The following FGF14 variants were observed in gnomAD, a reference collection of about 807,000 sequenced individuals.
The protein encoded by FGF14 is fibroblast growth factor homologous factor 4.
Under a neutral mutation model 25.5 loss-of-function variants are expected in FGF14, and 5 were observed. The ratio of observed to expected loss-of-function variants is 0.20; its 90% confidence interval spans 0.10 to 0.41. The LOEUF (loss-of-function observed/expected upper bound fraction) is 0.41, where lower values mean the gene tolerates loss of function less well. Ranked by LOEUF, FGF14 falls within the 10% of genes least tolerant of loss-of-function variation. The pLI, the probability that FGF14 is intolerant of heterozygous loss-of-function variation, is 1.00. For missense variants in FGF14, 222 were observed against 320.1 expected (o/e 0.69, Z 2.34); for synonymous variants, 138 against 118.3 (o/e 1.17, Z -1.08).
chr13:101,788,267 G>A (rs1358367831), intron 3 of FGF14, among the ~76,000 whole-genome samples: 2 of 152,120 alleles, frequency 1.3e-5, no homozygotes, highest in African/African-American at 4.8e-5. Context: ...GTGACCCAGT[G>A]ATATGGGATA....
intron 1 of FGF14, chr13:102,003,458 GGCAGTGTAAGACATGAGCT>G (rs2039610304): frequency 6.6e-6 from 1 of 152,144 alleles, no homozygotes; most frequent in African/African-American, 2.4e-5. Context: ...TGGTGGGCAG[GGCAGTGTAAGACATGAGCT>G]GTCTCAGGAA....
chr13:101,813,353 G>A (rs2041673836), intron 3 of FGF14, among the ~76,000 whole-genome samples: 1 of 152,184 alleles, frequency 6.6e-6, no homozygotes, highest in Admixed American at 6.5e-5. Flanking sequence ...GAGCCCTCAT[G>A]GATAGAAATG....
intron 1 of FGF14, among the ~76,000 whole-genome samples, chr13:102,206,244 G>A (rs1289692364): frequency 2.0e-5 from 3 of 151,922 alleles, no homozygotes; most frequent in Non-Finnish European, 4.4e-5. Context: ...GAATACAGAT[G>A]CAGTGAATTC....
chr13:102,275,121 C>A lies in FGF14; in HGVS notation c.208+126350G>T, dbSNP rs2053445655. On this transcript the variant is annotated intron_variant, in intron 1 of 4. Transcript: ENST00000376131. ...CTGTATGCATTAAATTATGTCCTAT[C>A]TTCATAGCAAATGACAGAGATTAAC... Among the ~76,000 whole-genome samples the A allele has an allele frequency of 4.6e-5, 7 of 151,944 alleles. No individual in the cohort carries two copies. The South Asian group carries it at 1.5e-3, about 32-fold the overall frequency.
intron 1 of FGF14, among the ~76,000 whole-genome samples, chr13:102,176,968 C>T (rs1293971234): frequency 6.6e-6 from 1 of 152,128 alleles, no homozygotes; most frequent in Non-Finnish European, 1.5e-5. Flanking sequence ...TTACCATATG[C>T]TATGTCAGTT....
chr13:102,150,548 G>T (rs577685853), intron 1 of FGF14, among the ~76,000 whole-genome samples: 1 of 152,008 alleles, frequency 6.6e-6, no homozygotes, highest in Non-Finnish European at 1.5e-5. Flanking sequence ...TATGATTCCC[G>T]ATTCTATTTG....
intron 1 of FGF14, among the ~76,000 whole-genome samples, chr13:101,964,153 CAAG>C (rs1326574686): frequency 3.3e-5 from 5 of 152,076 alleles, no homozygotes; most frequent in Non-Finnish European, 7.4e-5. Flanking sequence ...ATTGAATAAT[CAAG>C]AAAGTTCATT....
At chr13:101,856,704 A>G (rs921438012) in intron 3 of FGF14, among the ~76,000 whole-genome samples, 1 of 152,000 alleles carries the variant, frequency 6.6e-6, no homozygotes, top group African/African-American at 2.4e-5. Flanking sequence ...TTCTAATAAA[A>G]CAGTTGTTTC....
intron 1 of FGF14, among the ~76,000 whole-genome samples, chr13:102,022,376 A>G (rs2040703549): frequency 6.6e-6 from 1 of 152,092 alleles, no homozygotes; most frequent in Non-Finnish European, 1.5e-5. Context: ...AAGAAAGTCC[A>G]CAAAGCTGTT....
rs563841848 is a variant in FGF14, at chr13:102,051,310, C to A, written c.209-176014G>T. Among the ~76,000 whole-genome samples, 26 of 151,740 alleles carry A rather than the reference C, an allele frequency of 1.7e-4. No individual in the cohort carries two copies. In the South Asian group the frequency reaches 3.8e-3, roughly 22 times the overall value. On this transcript the variant is annotated intron_variant, in intron 1 of 4. Transcript: ENST00000376131. ...CTGCTCCACAAGTATCCATGTCTCA[C>A]ACTATGTTACCAGCATGGTAGTGGG...
intron 1 of FGF14, among the ~76,000 whole-genome samples, chr13:101,976,920 C>T (rs1388975945): frequency 6.6e-6 from 1 of 152,148 alleles, no homozygotes; most frequent in Non-Finnish European, 1.5e-5. Flanking sequence ...TATGAGTTTG[C>T]TGTGGTGCCC....
Position 102,322,115 on chromosome 13 carries a change from T to C in FGF14, c.208+79356A>G, listed in dbSNP as rs143781937. On this transcript the variant is annotated intron_variant, in intron 1 of 4. Transcript: ENST00000376131. ...TAATGAAAAACTAATGGGCTGGAGA[T>C]TTGCCTTCTAGGAAGAGCTTAAGCA... Among the ~76,000 whole-genome samples the C allele has an allele frequency of 3.3e-5, 5 of 152,312 alleles. No individual in the cohort carries two copies. In the East Asian group the frequency reaches 9.6e-4, roughly 29 times the overall value.
intron 1 of FGF14, among the ~76,000 whole-genome samples, chr13:102,352,227 A>G (rs932656684): frequency 1.4e-5 from 2 of 144,910 alleles, no homozygotes; most frequent in Non-Finnish European, 3.0e-5. Context: ...AACAACCACA[A>G]TATCTGTACC....
intron 1 of FGF14, among the ~76,000 whole-genome samples, chr13:101,908,865 A>C (rs1472266684): frequency 6.6e-6 from 1 of 152,336 alleles, no homozygotes; most frequent in South Asian, 2.1e-4. Context: ...AGTAACCAAA[A>C]CAGCATGGTA....
chr13:102,190,165 A>C (rs919608465), intron 1 of FGF14, among the ~76,000 whole-genome samples: 2 of 152,186 alleles, frequency 1.3e-5, no homozygotes, highest in African/African-American at 4.8e-5. Context: ...AACTTCCTCT[A>C]GTTGTTTCCA....
intron 1 of FGF14, among the ~76,000 whole-genome samples, chr13:102,348,943 T>C (rs2057192734): frequency 6.6e-6 from 1 of 152,338 alleles, no homozygotes; most frequent in South Asian, 2.1e-4. Flanking sequence ...CCCAGATTTC[T>C]ATCCCAGTGC....
At chr13:102,144,605 CCTT>C (rs1269126035) in intron 1 of FGF14, among the ~76,000 whole-genome samples, 2 of 152,100 alleles carry the variant, frequency 1.3e-5, no homozygotes, top group East Asian at 3.9e-4. Context: ...TAATTATAGT[CCTT>C]CTGTCATTCT....
chr13:101,935,683 C>A lies in FGF14; in HGVS notation c.209-60387G>T, dbSNP rs563693061. Among the ~76,000 whole-genome samples the A allele has an allele frequency of 9.2e-5, 14 of 152,228 alleles. No individual in the cohort carries two copies. In the South Asian group the frequency reaches 2.7e-3, roughly 29 times the overall value. On this transcript the variant is annotated intron_variant, in intron 1 of 4. Transcript: ENST00000376131. ...AACCATGAGTCAATTAAACCTCTTT[C>A]CTTTATAAATTACCCAGTGTCAGGT...
chr13:102,132,924 G>A lies in FGF14; in HGVS notation c.209-257628C>T, dbSNP rs185501120. Among the ~76,000 whole-genome samples, 161 of 152,232 alleles carry A rather than the reference G, an allele frequency of 1.1e-3. 1 individual carries two copies. In the East Asian group the frequency reaches 0.026, roughly 25 times the overall value. On this transcript the variant is annotated intron_variant, in intron 1 of 4. Transcript: ENST00000376131. ...AGCGGAGTTGTTAAAAAGATTTTCA[G>A]GTGTTCTGTTGAACCTGAATGCATT...
Sources: allele counts gnomAD v4.1 joint callset (sites outside exome capture counted in the v4.1 genomes callset), GRCh38; gene constraint gnomAD v4.1.1; transcripts MANE v1.5; gene names NCBI Gene and HGNC (gene_info 2026-07-23, HGNC 2026-07-21).